CACNA2D3: variants seen among roughly 807,000 people sequenced by gnomAD.
The protein encoded by CACNA2D3 is calcium voltage-gated channel auxiliary subunit alpha2delta 3.
CACNA2D3 carries 60 observed loss-of-function variants against 160.6 expected under a neutral mutation model. The ratio of observed to expected loss-of-function variants is 0.37; its 90% CI spans 0.30 to 0.46. CACNA2D3 has a LOEUF of 0.46. Ranked by LOEUF, CACNA2D3 falls within the 20% of genes least tolerant of loss-of-function variation. The pLI, the probability that CACNA2D3 is intolerant of heterozygous loss-of-function variation, is 1.00. For missense variants in CACNA2D3, 1,205 were observed against 1,365.0 expected (o/e 0.88, Z 1.85); for synonymous variants, 558 against 492.9 (o/e 1.13, Z -1.75).
At chr3:54,598,307 CAAAAAAAAAAAAAAAAAA>C (rs10656534) in intron 9 of CACNA2D3, among the ~76,000 whole-genome samples, 1 of 49,846 alleles carries the variant, frequency 2.0e-5, no homozygotes, top group African/African-American at 8.1e-5. Context: ...CTCCGTCTCA[CAAAAAAAAAAAAAAAAAA>C]AAAAAAAGAA....
chr3:54,194,459 C>G (rs1450240325), intron 2 of CACNA2D3, among the ~76,000 whole-genome samples: 1 of 152,120 alleles, frequency 6.6e-6, no homozygotes, highest in Admixed American at 6.5e-5. Context: ...CCCAGTTCTC[C>G]CTCTTTCCTG....
chr3:55,028,299 T>C (rs956511513), intron 35 of CACNA2D3, among the ~76,000 whole-genome samples: 5 of 152,310 alleles, frequency 3.3e-5, no homozygotes, highest in East Asian at 1.9e-4. Context: ...TTCAAAAATA[T>C]AGGGTTTATT....
intron 13 of CACNA2D3, among the ~76,000 whole-genome samples, chr3:54,774,948 C>G (rs1702398687): frequency 6.6e-6 from 1 of 152,098 alleles, no homozygotes; most frequent in African/African-American, 2.4e-5. Flanking sequence ...TTCCTTGACT[C>G]TTATTGGCTT....
intron 11 of CACNA2D3, among the ~76,000 whole-genome samples, chr3:54,696,040 G>A (rs1163094334): frequency 6.6e-6 from 1 of 152,110 alleles, no homozygotes; most frequent in Non-Finnish European, 1.5e-5. Flanking sequence ...CTCCCCCAGT[G>A]TGGTCCTAGA....
chr3:54,951,526 T>G (rs1290282264), intron 27 of CACNA2D3, among the ~76,000 whole-genome samples: 4 of 152,192 alleles, frequency 2.6e-5, no homozygotes, highest in African/African-American at 9.7e-5. Context: ...CTGTGAACTT[T>G]GAAGCATCTC....
rs998068419 is a variant in CACNA2D3 at position 54,924,742 on chromosome 3, G to A, written c.2449+24874G>A. The A allele has an allele frequency of 1.9e-6, 3 of 1,614,028 alleles. No individual in the cohort carries two copies. In the African/African-American group the frequency reaches 4.0e-5, roughly 22 times the overall value. ...ATGGATTCCAGGAGCGCTCGATCAA[G>A]CTGCTGAAGCTGGTTTTGTTGAACC... On this transcript the variant is annotated intron_variant, in intron 27 of 37. Transcript: ENST00000474759.
At chr3:54,525,050 A>G (rs1701703939) in intron 5 of CACNA2D3, among the ~76,000 whole-genome samples, 1 of 152,136 alleles carries the variant, frequency 6.6e-6, no homozygotes, top group South Asian at 2.1e-4. Context: ...GGTATAGTAT[A>G]TAGTATACTA....
chr3:54,252,868 AT>A (rs1338198030), intron 2 of CACNA2D3, among the ~76,000 whole-genome samples: 9 of 136,072 alleles, frequency 6.6e-5, no homozygotes, highest in African/African-American at 2.2e-4. Context: ...GTGCAGCAGG[AT>A]TAAGCCCCCC....
At chr3:54,963,058 A>C (rs1177127852) in intron 27 of CACNA2D3, among the ~76,000 whole-genome samples, 3 of 152,246 alleles carry the variant, frequency 2.0e-5, no homozygotes, top group African/African-American at 7.2e-5. Flanking sequence ...TCTTGAATGC[A>C]TTTAAACATA....
At chr3:54,873,196 T>G (rs1414083141) in intron 18 of CACNA2D3, among the ~76,000 whole-genome samples, 3 of 152,102 alleles carry the variant, frequency 2.0e-5, no homozygotes, top group African/African-American at 4.8e-5. Context: ...AACAGAGAAG[T>G]ACTTGCACTG....
chr3:54,584,899 A>T (rs1301142887), intron 9 of CACNA2D3, among the ~76,000 whole-genome samples: 1 of 152,226 alleles, frequency 6.6e-6, no homozygotes, highest in Non-Finnish European at 1.5e-5. Context: ...AGAACTGCCA[A>T]CCCAGGATTC....
At chr3:54,766,933 C>CA (rs34154838) in intron 13 of CACNA2D3, among the ~76,000 whole-genome samples, 5,714 of 123,668 alleles carry the variant, frequency 0.046, 129 homozygotes, top group Non-Finnish European at 0.062. Flanking sequence ...ACTTACTTTA[C>CA]AAAAAAAAAA....
intron 2 of CACNA2D3, among the ~76,000 whole-genome samples, chr3:54,224,819 A>T (rs750599548): frequency 2.7e-5 from 4 of 150,884 alleles, no homozygotes; most frequent in Non-Finnish European, 4.4e-5. Flanking sequence ...ATTCTTTCTC[A>T]TGTTTCAGAT....
chr3:54,902,494 G>A (rs1478688323), intron 27 of CACNA2D3, among the ~76,000 whole-genome samples: 1 of 152,184 alleles, frequency 6.6e-6, no homozygotes, highest in Non-Finnish European at 1.5e-5. Context: ...ATTGCTTACA[G>A]TCCTTCTCTT....
chr3:55,061,194 A>G (rs1012252217), intron 35 of CACNA2D3, among the ~76,000 whole-genome samples: 3 of 152,248 alleles, frequency 2.0e-5, no homozygotes, highest in African/African-American at 7.2e-5. Flanking sequence ...GGAATGCCTT[A>G]ATGTGTCTAT....
At chr3:54,491,637 G>A (rs1490787174) in intron 4 of CACNA2D3, among the ~76,000 whole-genome samples, 4 of 152,204 alleles carry the variant, frequency 2.6e-5, no homozygotes, top group Non-Finnish European at 5.9e-5. Context: ...ATGAGGGCTT[G>A]CGGGCCATGT....
chr3:54,713,368 G>C (rs1049550598), intron 11 of CACNA2D3, among the ~76,000 whole-genome samples: 5 of 152,176 alleles, frequency 3.3e-5, no homozygotes, highest in Non-Finnish European at 7.4e-5. Flanking sequence ...AATTTTATGA[G>C]TAACAAGAAT....
At chr3:55,068,771 G>A (rs1049966406) in intron 35 of CACNA2D3, among the ~76,000 whole-genome samples, 7 of 152,032 alleles carry the variant, frequency 4.6e-5, no homozygotes, top group Non-Finnish European at 8.8e-5. Context: ...GGACATTTAG[G>A]TGGGGTTTTT....
chr3:54,236,356 C>G (rs577815464), intron 2 of CACNA2D3, among the ~76,000 whole-genome samples: 1 of 152,222 alleles, frequency 6.6e-6, no homozygotes, highest in South Asian at 2.1e-4. Flanking sequence ...GACAAATACA[C>G]CAATAAATGT....
Sources: allele counts gnomAD v4.1 joint callset (sites outside exome capture counted in the v4.1 genomes callset), GRCh38; gene constraint gnomAD v4.1.1; transcripts MANE v1.5; gene names NCBI Gene and HGNC (gene_info 2026-07-23, HGNC 2026-07-21).